Variants in MAP2K5 observed in about 807,000 individuals in gnomAD.
MAP2K5 encodes dual specificity mitogen-activated protein kinase kinase 5.
A neutral mutation model predicts 83.1 loss-of-function variants in MAP2K5; 49 were observed. That is an observed-to-expected ratio of 0.59 (90% CI 0.47 to 0.75). MAP2K5 has a LOEUF of 0.75. Among genes scored for constraint, MAP2K5 ranks in the 30% least tolerant of loss-of-function variants. MAP2K5 has a pLI of 0.00. For synonymous variants in MAP2K5, 202 were observed against 191.8 expected, an observed-to-expected ratio of 1.05 and a Z score of -0.44; for missense variants, 457 against 557.5, an observed-to-expected ratio of 0.82 and a Z score of 1.82.
rs1201429027 is a variant in MAP2K5, at chr15:67,806,944, A to G, written c.*194A>G. On this transcript the variant is annotated 3_prime_UTR_variant, in exon 22 of 22. Coordinates refer to ENST00000178640, the MANE Select transcript of MAP2K5 (RefSeq NM_145160.3). ...TGGCCCACCCCACCAGGCCATCCCC[A>G]TACCTTCTGGTTTGAAGGCGCTGAC... 1 of 1,570,512 alleles carries G rather than the reference A, an allele frequency of 6.4e-7. No homozygotes were observed.
intron 8 of MAP2K5, among the ~76,000 whole-genome samples, chr15:67,614,420 TTA>T (rs2086006318): frequency 6.6e-6 from 1 of 152,218 alleles, no homozygotes; most frequent in Non-Finnish European, 1.5e-5. Flanking sequence ...TGAGCAAAGA[TTA>T]GATGGTTATC....
chr15:67,705,693 G>A (rs2088534146), intron 16 of MAP2K5, among the ~76,000 whole-genome samples: 1 of 151,954 alleles, frequency 6.6e-6, no homozygotes, highest in African/African-American at 2.4e-5. Flanking sequence ...CCAAGATCGT[G>A]CCATTGTGCT....
intron 13 of MAP2K5, among the ~76,000 whole-genome samples, chr15:67,682,996 C>G (rs1037285609): frequency 1.3e-5 from 2 of 151,920 alleles, no homozygotes; most frequent in Non-Finnish European, 2.9e-5. Flanking sequence ...CAAAAACTAG[C>G]TGGGCATGGT....
chr15:67,679,307 T>C (rs2087757067), intron 13 of MAP2K5, among the ~76,000 whole-genome samples: 1 of 152,174 alleles, frequency 6.6e-6, no homozygotes, highest in Non-Finnish European at 1.5e-5. Flanking sequence ...AGATACAGTT[T>C]CCTGCGTGAG....
chr15:67,799,018 A>G (rs2141343361), intron 21 of MAP2K5, among the ~76,000 whole-genome samples: 1 of 152,254 alleles, frequency 6.6e-6, no homozygotes, highest in African/African-American at 2.4e-5. Flanking sequence ...AAAATACAAA[A>G]ATTAGCTGGG....
chr15:67,681,710 C>T (rs2087822249), intron 13 of MAP2K5, among the ~76,000 whole-genome samples: 3 of 152,120 alleles, frequency 2.0e-5, no homozygotes, highest in Admixed American at 2.0e-4. Flanking sequence ...TGCTTTTTCA[C>T]TAAAGGTTTA....
intron 13 of MAP2K5, among the ~76,000 whole-genome samples, chr15:67,691,549 G>A (rs912131023): frequency 6.6e-6 from 1 of 152,240 alleles, no homozygotes; most frequent in African/African-American, 2.4e-5. Context: ...CAGTGTCAGT[G>A]TAGTTGAGAT....
chr15:67,616,510 A>C (rs1405007311), intron 8 of MAP2K5, among the ~76,000 whole-genome samples: 1 of 152,218 alleles, frequency 6.6e-6, no homozygotes, highest in Non-Finnish European at 1.5e-5. Flanking sequence ...CATTCAGAGA[A>C]TAGAGAATCA....
chr15:67,763,730 A>G (rs1241017120), intron 19 of MAP2K5, among the ~76,000 whole-genome samples: 1 of 151,914 alleles, frequency 6.6e-6, no homozygotes, highest in Admixed American at 6.6e-5. Flanking sequence ...TGTCATAAAG[A>G]TGCTACTCTA....
In MAP2K5 at chr15:67,771,356, G is replaced by A. The variant is rs553320195; in HGVS notation, c.1197-1351G>A. ...AGGATCCCAGTGCTAATCTTATCTC[G>A]CTGTGTGGTCTGAGACCAACCTGGG... On this transcript the variant is annotated intron_variant, in intron 20 of 21. Transcript: ENST00000178640. 1.8e-4 allele frequency among the ~76,000 whole-genome samples: 27 copies of A among 152,300 alleles called. 1 individual carries two copies. The South Asian group carries it at 4.6e-3, about 26-fold the overall frequency.
chr15:67,678,241 C>G (rs2087727626), intron 13 of MAP2K5, among the ~76,000 whole-genome samples: 1 of 152,008 alleles, frequency 6.6e-6, no homozygotes, highest in Non-Finnish European at 1.5e-5. Flanking sequence ...GCTGAAGATC[C>G]CAGGCACAGT....
chr15:67,714,849 C>T (rs1351331156), intron 16 of MAP2K5, among the ~76,000 whole-genome samples: 1 of 152,096 alleles, frequency 6.6e-6, no homozygotes, highest in Non-Finnish European at 1.5e-5. Context: ...AAGTATAATG[C>T]AAACATTTCA....
At chr15:67,626,356 C>CT (rs2086321990) in intron 8 of MAP2K5, among the ~76,000 whole-genome samples, 1 of 151,980 alleles carries the variant, frequency 6.6e-6, no homozygotes. Flanking sequence ...AACCTTGTCT[C>CT]TATGAAAAAT....
intron 16 of MAP2K5, among the ~76,000 whole-genome samples, chr15:67,718,744 A>G (rs2088886344): frequency 6.6e-6 from 1 of 152,184 alleles, no homozygotes; most frequent in East Asian, 1.9e-4. Context: ...AGCTTGGGTG[A>G]CAGAGCGAGA....
chr15:67,737,844 C>T (rs189836694), intron 17 of MAP2K5, among the ~76,000 whole-genome samples: 71 of 69,286 alleles, frequency 1.0e-3, no homozygotes, highest in African/African-American at 1.3e-3. Context: ...ATAGAATAGT[C>T]TTTTTTTTTT....
At position 67,747,216 on chromosome 15, in the gene MAP2K5, G is replaced by T. The variant is rs899523426; in HGVS notation, c.1075-1015G>T. On this transcript the variant is annotated intron_variant, in intron 17 of 21. Transcript: ENST00000178640. This position sits in a 1 kb window ranked among gnomAD's most constrained non-coding sequence, Gnocchi z 4.1. ...CAGGGTGGTTGTACAGATCAAATGA[G>T]TTTGTATATGGGAAAGAATTTTTTA... Among the ~76,000 whole-genome samples, 2 of 152,130 alleles carry T rather than the reference G, an allele frequency of 1.3e-5. No individual in the cohort carries two copies. The highest frequency in any genetic ancestry group is 6.5e-5 in the Admixed American group (1 of 15,268).
chr15:67,744,430 TAA>T, intron 17 of MAP2K5, among the ~76,000 whole-genome samples: 1 of 152,328 alleles, frequency 6.6e-6, no homozygotes, highest in East Asian at 1.9e-4. Flanking sequence ...AGTAAATATG[TAA>T]AGAGAAAATT....
chr15:67,654,394 A>T (rs1172434227), intron 11 of MAP2K5, among the ~76,000 whole-genome samples: 1 of 151,972 alleles, frequency 6.6e-6, no homozygotes, highest in East Asian at 1.9e-4. Flanking sequence ...ATCTTTTTTC[A>T]CCATTTTTCA....
Position 67,658,532 on chromosome 15 carries a change from A to G in MAP2K5, c.737-21A>G, listed in dbSNP as rs772159431. 6.9e-6 allele frequency: 11 copies of G among 1,596,626 alleles called. No homozygotes were observed. In the East Asian group the frequency reaches 1.8e-4, roughly 26 times the overall value. ...TTCTGGTAATTTCATTTGTAGTAAC[A>G]TGGCATGTTTATCTCTACAGGGGGA... On this transcript the variant is annotated intron_variant, in intron 11 of 21. Coordinates refer to ENST00000178640, the MANE Select transcript of MAP2K5 (RefSeq NM_145160.3).
Sources: gnomAD v4.1 joint callset for allele counts (sites outside exome capture counted in the v4.1 genomes callset) on GRCh38, gnomAD v4.1.1 for gene constraint, Gnocchi (gnomAD v3.1) non-coding constraint, MANE v1.5 for transcripts, NCBI Gene and HGNC (gene_info 2026-07-23, HGNC 2026-07-21) for gene names.